The following IGSF5 variants were observed in gnomAD, a reference collection of about 807,000 sequenced individuals.
The protein encoded by IGSF5 is immunoglobulin superfamily member 5.
Under a neutral mutation model 39.4 loss-of-function variants are expected in IGSF5, and 41 were observed. The observed-to-expected ratio is 1.04, with a 90% CI of 0.81 to 1.35. The LOEUF (loss-of-function observed/expected upper bound fraction) is 1.35. Ranked by LOEUF, IGSF5 falls within the 40% of genes most tolerant of loss-of-function variation. The pLI, the probability that IGSF5 is intolerant of heterozygous loss-of-function variation, is 0.00. For missense variants in IGSF5, 487 were observed against 494.6 expected (o/e 0.98, Z 0.15); for synonymous variants, 183 against 175.3 (o/e 1.04, Z -0.34).
In IGSF5 at chr21:39,746,291, G is replaced by A. The variant is rs2146268281; in HGVS notation, c.93G>A (p.Val31=). ...AAGLRWWQTA[V]VDGSGSGNEV... ...GTCTGCGATGGTGGCAAACAGCAGT[G>A]GTGGACGGTGAGTGAAAGCTCAGCT... is the stretch of plus-strand genomic sequence containing the variant. The change falls in exon 2 of 9, where the codon GTG becomes GTA. Residue 31 remains valine (V), a synonymous_variant. Coordinates refer to ENST00000380588, the MANE Select transcript of IGSF5 (RefSeq NM_001080444.2). 1.4e-6 allele frequency: 1 copy of A among 701,064 alleles called. No individual in the cohort carries two copies. Among genetic ancestry groups the A allele is most frequent in the African/African-American group, 1.7e-5 (1 of 57,310 alleles). The allele number at this position is 701,064 out of a possible 1,614,324, so 43.4% of individuals were successfully genotyped here.
chr21:39,749,040 GA>G lies in IGSF5; in HGVS notation c.100+2750del, dbSNP rs202126226. Among the ~76,000 whole-genome samples, 404 of 146,394 alleles carry G rather than the reference GA, an allele frequency of 2.8e-3. 1 individual carries two copies. Among genetic ancestry groups the G allele is most frequent in the African/African-American group, 0.011 (397 of 36,048 alleles). ...AAACATAAAAGACAAATTAACGGGA[GA>G]AAAAAAATGTTTATGCCTTATGCAT... On this transcript the variant is annotated intron_variant, in intron 2 of 8. Coordinates refer to ENST00000380588, the MANE Select transcript of IGSF5 (RefSeq NM_001080444.2).
chr21:39,714,441 A>C, the IGSF5 span, among the ~76,000 whole-genome samples: 2 of 152,268 alleles, frequency 1.3e-5, no homozygotes, highest in Admixed American at 1.3e-4. Flanking sequence ...CTTACTCTGC[A>C]GAACAAGGAA....
chr21:39,712,400 AGTGATG>A, the IGSF5 span, among the ~76,000 whole-genome samples: 1 of 152,134 alleles, frequency 6.6e-6, no homozygotes, highest in Non-Finnish European at 1.5e-5. Flanking sequence ...ACCCTCGGAT[AGTGATG>A]GTGCCTGAAG....
At chr21:39,766,888 G>A (rs942361971) in intron 3 of IGSF5, among the ~76,000 whole-genome samples, 2 of 151,992 alleles carry the variant, frequency 1.3e-5, no homozygotes, top group African/African-American at 4.8e-5. Flanking sequence ...CAAAGATTTT[G>A]TTCATATTTA....
Position 39,801,246 on chromosome 21 carries a change from CCT to C in IGSF5, c.1129-14_1129-13del. The C allele has an allele frequency of 6.2e-7, 1 of 1,607,446 alleles. No homozygotes were observed. Among genetic ancestry groups the C allele is most frequent in the Non-Finnish European group, 8.5e-7 (1 of 1,174,708 alleles). On this transcript the variant is annotated splice_polypyrimidine_tract_variant and intron_variant, in intron 8 of 8. Coordinates refer to ENST00000380588, the MANE Select transcript of IGSF5 (RefSeq NM_001080444.2). ...CTCAACCCATTAAATTGACTTTTTT[CCT>C]CCTCTGTTGCCAGCGGGCTGATCAA...
chr21:39,779,093 C>T lies in IGSF5; in HGVS notation c.722C>T (p.Thr241Ile). The change falls in exon 5 of 9, where the codon ACT (threonine) becomes ATT (isoleucine). Residue 241 changes from threonine to isoleucine, a missense_variant. By Grantham distance (89) the Thr-to-Ile change is moderately conservative. Transcript: ENST00000380588. ...NLTVIRCPQD[T>I]GGGINIPGVL... is the part of the protein sequence containing the mutation. The stretch of plus-strand genomic sequence containing the variant: ...AATATATTTTTTTCTTCTTTAGACA[C>T]TGGAGGTGGTATTAATATTCCAGGT... The T allele has an allele frequency of 1.2e-6, 2 of 1,612,188 alleles. No individual in the cohort carries two copies. Among genetic ancestry groups the T allele is most frequent in the Non-Finnish European group, 8.5e-7 (1 of 1,178,346 alleles).
At chr21:39,733,878 G>A in the IGSF5 span, among the ~76,000 whole-genome samples, 5 of 152,122 alleles carry the variant, frequency 3.3e-5, no homozygotes, top group South Asian at 8.3e-4. Flanking sequence ...TCTGCCTTCC[G>A]TGAGTGCCTC....
upstream of IGSF5, among the ~76,000 whole-genome samples, chr21:39,742,255 C>T (rs945708193): frequency 3.9e-5 from 6 of 152,074 alleles, no homozygotes; most frequent in Non-Finnish European, 8.8e-5. Flanking sequence ...GTGAGGCTTT[C>T]AGGCATAATT....
intron 5 of IGSF5, among the ~76,000 whole-genome samples, chr21:39,782,745 C>T (rs1328286694): frequency 1.3e-5 from 2 of 152,198 alleles, no homozygotes; most frequent in African/African-American, 2.4e-5. Flanking sequence ...TAAAAATCTT[C>T]TCTTCCAGAC....
the IGSF5 span, among the ~76,000 whole-genome samples, chr21:39,736,853 G>A: frequency 2.0e-5 from 3 of 152,190 alleles, no homozygotes; most frequent in Non-Finnish European, 4.4e-5. Flanking sequence ...GAGTCAGATG[G>A]GATCAGTGCT....
At chr21:39,787,851 G>C (rs992313032) in intron 5 of IGSF5, among the ~76,000 whole-genome samples, 3 of 152,214 alleles carry the variant, frequency 2.0e-5, no homozygotes, top group South Asian at 4.1e-4. Context: ...AGTCTGTATA[G>C]TCTCACTCAT....
In IGSF5 at chr21:39,765,737, C is replaced by T. The variant is rs145170006; in HGVS notation, c.303C>T (p.Gly101=). The T allele has an allele frequency of 1.7e-4, 275 of 1,614,090 alleles. 4 individuals carry two copies. The South Asian group carries it at 2.6e-3, about 15-fold the overall frequency. The change falls in exon 3 of 9, where the codon GGC becomes GGT. Residue 101 remains glycine, a synonymous_variant. Coordinates refer to ENST00000380588, the MANE Select transcript of IGSF5 (RefSeq NM_001080444.2). ...DRFTSQRYDQ[G]GNFTSEMIIH... Reference sequence around the variant, plus strand: ...TCACCTCTCAGAGGTACGACCAGGGCGGGAACTTCACCTCGGAGATGATCA... The same window carrying T: ...TCACCTCTCAGAGGTACGACCAGGGTGGGAACTTCACCTCGGAGATGATCA...
rs181121572 is a variant in IGSF5 at position 39,767,180 on chromosome 21, G to T, written c.418+1328G>T. Among the ~76,000 whole-genome samples the T allele has an allele frequency of 2.8e-3, 427 of 152,290 alleles. 1 individual carries two copies. The highest frequency in any genetic ancestry group is 2.8e-3 in the Non-Finnish European group (191 of 68,022). On this transcript the variant is annotated intron_variant, in intron 3 of 8. Coordinates refer to ENST00000380588, the MANE Select transcript of IGSF5 (RefSeq NM_001080444.2). ...AAGAACAGAGGAAAAAAGAATCAAAGATATAAATTCTGGTTTTGGCTTCAT... is the reference window on the plus strand; with the variant it reads ...AAGAACAGAGGAAAAAAGAATCAAATATATAAATTCTGGTTTTGGCTTCAT...
intron 5 of IGSF5, among the ~76,000 whole-genome samples, chr21:39,787,354 G>T (rs886262408): frequency 6.6e-6 from 1 of 152,112 alleles, no homozygotes; most frequent in African/African-American, 2.4e-5. Flanking sequence ...TAAGGAAAAT[G>T]AGTATTTAAA....
intron 6 of IGSF5, 125 bp downstream of exon 6, chr21:39,788,313 C>T (rs2086936579): frequency 1.4e-6 from 1 of 715,064 alleles, no homozygotes; most frequent in Non-Finnish European, 2.4e-6. Context: ...GAATTAAGTA[C>T]CAGAGGTAGA....
intron 5 of IGSF5, among the ~76,000 whole-genome samples, chr21:39,787,698 C>G (rs777741364): frequency 6.6e-6 from 1 of 151,706 alleles, no homozygotes; most frequent in Non-Finnish European, 1.5e-5. Flanking sequence ...AATATAATAA[C>G]AGTAACACCT....
At chr21:39,777,061 G>A (rs1277602113) in intron 4 of IGSF5, among the ~76,000 whole-genome samples, 1 of 152,174 alleles carries the variant, frequency 6.6e-6, no homozygotes, top group South Asian at 2.1e-4. Flanking sequence ...TGAGCCAGAA[G>A]CCAAAGTTAA....
intron 2 of IGSF5, among the ~76,000 whole-genome samples, chr21:39,753,919 T>TG (rs1004103484): frequency 4.1e-5 from 2 of 48,874 alleles, no homozygotes; most frequent in African/African-American, 1.3e-4. Context: ...ATTTGGTTGG[T>TG]GTTTTTTTGT....
intron 4 of IGSF5, among the ~76,000 whole-genome samples, chr21:39,777,294 T>C (rs557169619): frequency 2.0e-5 from 3 of 152,278 alleles, no homozygotes; most frequent in African/African-American, 2.4e-5. Context: ...AGTGTTTACA[T>C]TGTGGCTGCG....
Sources: allele counts gnomAD v4.1 joint callset (sites outside exome capture counted in the v4.1 genomes callset), GRCh38; gene constraint gnomAD v4.1.1; transcripts MANE v1.5; gene names NCBI Gene and HGNC (gene_info 2026-07-23, HGNC 2026-07-21).